Variants in UBR2 observed in about 807,000 individuals in gnomAD.
The protein encoded by UBR2 is E3 ubiquitin-protein ligase UBR2.
A neutral mutation model predicts 247.9 loss-of-function variants in UBR2; 92 were observed. That is an observed-to-expected ratio of 0.37 (90% confidence interval 0.31 to 0.44). The LOEUF is 0.44. UBR2 is among the 20% of genes least tolerant of loss of function. The pLI is 1.00. For missense variants in UBR2, 1,613 were observed against 2,112.6 expected, an observed-to-expected ratio of 0.76 and a Z score of 4.64; for synonymous variants, 672 against 693.5, an observed-to-expected ratio of 0.97 and a Z score of 0.49.
At chr6:42,673,541 ATTCTT>A (rs1220645287) in intron 36 of UBR2, among the ~76,000 whole-genome samples, 2 of 152,172 alleles carry the variant, frequency 1.3e-5, no homozygotes, top group Non-Finnish European at 2.9e-5. Context: ...TATATTCTAT[ATTCTT>A]TTCTTTTCCA....
At chr6:42,611,908 A>G (rs1392858076) in intron 7 of UBR2, among the ~76,000 whole-genome samples, 6 of 132,888 alleles carry the variant, frequency 4.5e-5, no homozygotes, top group Non-Finnish European at 9.6e-5. Flanking sequence ...CTCCACCTCA[A>G]AAAAAGAAAA....
At chr6:42,639,086 G>A (rs879784136) in intron 15 of UBR2, among the ~76,000 whole-genome samples, 3 of 152,216 alleles carry the variant, frequency 2.0e-5, no homozygotes, top group Non-Finnish European at 4.4e-5. Flanking sequence ...ACAGTTTGAA[G>A]CAAGTGCTAA....
intron 34 of UBR2, among the ~76,000 whole-genome samples, chr6:42,667,346 AAAAG>A (rs1417354303): frequency 1.3e-5 from 2 of 151,740 alleles, no homozygotes; most frequent in African/African-American, 4.8e-5. Flanking sequence ...AAAAAAAAAA[AAAAG>A]AAAAAGAAAA....
intron 38 of UBR2, among the ~76,000 whole-genome samples, chr6:42,675,639 C>G (rs1798679119): frequency 6.6e-6 from 1 of 152,110 alleles, no homozygotes; most frequent in South Asian, 2.1e-4. Flanking sequence ...AAGGGAGGAG[C>G]TGAACTCAGG....
At chr6:42,606,811 T>TGTAGGA (rs1793733019) in intron 7 of UBR2, among the ~76,000 whole-genome samples, 160 bp downstream of exon 7, 1 of 152,216 alleles carries the variant, frequency 6.6e-6, no homozygotes. Flanking sequence ...TTTTATCTAG[T>TGTAGGA]TTTTTAAAGC....
chr6:42,632,069 A>AATATATATATATATATATATATAT (rs1554254886), intron 11 of UBR2, among the ~76,000 whole-genome samples: 1 of 114,088 alleles, frequency 8.8e-6, no homozygotes, highest in African/African-American at 3.4e-5. Context: ...AAAAAAAAAA[A>AATATATATATATATATATATATAT]ATATATATAT....
At chr6:42,666,430 C>T (rs1336262806) in intron 34 of UBR2, among the ~76,000 whole-genome samples, 185 bp downstream of exon 34, 1 of 152,156 alleles carries the variant, frequency 6.6e-6, no homozygotes, top group Non-Finnish European at 1.5e-5. Context: ...GTGGAGGCTG[C>T]AGTGAGCCTT....
chr6:42,686,286 CG>C (rs1799390288), intron 44 of UBR2, among the ~76,000 whole-genome samples: 1 of 151,482 alleles, frequency 6.6e-6, no homozygotes, highest in Admixed American at 6.6e-5. Flanking sequence ...TGACTCTTAA[CG>C]AGCATGCTGC....
intron 31 of UBR2, 22 bp from the exon 32 acceptor site, chr6:42,663,236 C>T: frequency 1.3e-6 from 2 of 1,569,158 alleles, no homozygotes; most frequent in South Asian, 1.2e-5. Context: ...GTTTTGATAC[C>T]TCATGTTCTC....
intron 1 of UBR2, among the ~76,000 whole-genome samples, chr6:42,572,174 T>A (rs985214063): frequency 2.6e-5 from 4 of 152,214 alleles, no homozygotes; most frequent in Admixed American, 6.5e-5. Flanking sequence ...TTAGTAATAT[T>A]TGGAAAATAG....
chr6:42,605,005 C>T (rs888840110), intron 5 of UBR2, among the ~76,000 whole-genome samples: 11 of 149,150 alleles, frequency 7.4e-5, no homozygotes, highest in South Asian at 2.2e-4. Context: ...CCAGCCTGGG[C>T]GACAGAGTGA....
At chr6:42,595,655 G>A (rs974720783) in intron 4 of UBR2, among the ~76,000 whole-genome samples, 1 of 151,396 alleles carries the variant, frequency 6.6e-6, no homozygotes, top group South Asian at 2.1e-4. Flanking sequence ...GGGTGCTGAA[G>A]TGGGATCCGC....
intron 39 of UBR2, among the ~76,000 whole-genome samples, 180 bp downstream of exon 39, chr6:42,676,371 T>G (rs1798723492): frequency 6.6e-6 from 1 of 152,230 alleles, no homozygotes; most frequent in Non-Finnish European, 1.5e-5. Context: ...AATTTCCTAG[T>G]AATGTGAATG....
chr6:42,614,330 ATATG>A (rs1562311489), intron 8 of UBR2, among the ~76,000 whole-genome samples: 5 of 139,702 alleles, frequency 3.6e-5, no homozygotes, highest in African/African-American at 1.4e-4. Context: ...ATATATGTGT[ATATG>A]TGTATGTGTG....
chr6:42,640,279 T>G lies in UBR2; in HGVS notation c.1920+9T>G. On this transcript the variant is annotated intron_variant, in intron 16 of 46. Coordinates refer to ENST00000372901, the MANE Select transcript of UBR2 (RefSeq NM_001363705.2). ...CAGAGCTCCTACCTCTAGTAAGTGG[T>G]GCTTACATTTAAAAGTGAATACTTA... 6.3e-7 allele frequency: 1 copy of G among 1,589,004 alleles called. No individual in the cohort carries two copies. Among genetic ancestry groups the G allele is most frequent in the Admixed American group, 1.9e-5 (1 of 52,648 alleles).
intron 15 of UBR2, among the ~76,000 whole-genome samples, chr6:42,639,395 C>T (rs1796288508): frequency 6.6e-6 from 1 of 152,166 alleles, no homozygotes; most frequent in Non-Finnish European, 1.5e-5. Context: ...GAGTTCGAGA[C>T]CAGCCTGGCC....
chr6:42,570,229 T>C (rs1791028031), intron 1 of UBR2, among the ~76,000 whole-genome samples: 1 of 152,230 alleles, frequency 6.6e-6, no homozygotes, highest in South Asian at 2.1e-4. Flanking sequence ...TTTCATATAA[T>C]GGTAGTAAAG....
At chr6:42,614,415 C>CGTACATATATACGTATATATGTAT (rs1554250447) in intron 8 of UBR2, among the ~76,000 whole-genome samples, 3 of 89,218 alleles carry the variant, frequency 3.4e-5, no homozygotes, top group East Asian at 3.2e-4. Context: ...TATGTATGTA[C>CGTACATATATACGTATATATGTAT]GTACGTACAT....
At chr6:42,607,359 G>C (rs918384903) in intron 7 of UBR2, among the ~76,000 whole-genome samples, 1 of 151,498 alleles carries the variant, frequency 6.6e-6, no homozygotes, top group Non-Finnish European at 1.5e-5. Context: ...GTAGAGATGG[G>C]GTTTCACCAT....
Sources: allele counts gnomAD v4.1 joint callset (sites outside exome capture counted in the v4.1 genomes callset), GRCh38; gene constraint gnomAD v4.1.1; transcripts MANE v1.5; gene names NCBI Gene and HGNC (gene_info 2026-07-23, HGNC 2026-07-21).